Variants in ARSG observed in about 807,000 individuals in gnomAD.
ARSG encodes arylsulfatase G.
A neutral mutation model predicts 50.5 loss-of-function variants in ARSG; 37 were observed. The observed-to-expected ratio is 0.73, with a 90% confidence interval of 0.56 to 0.96. ARSG has a LOEUF of 0.96. ARSG is among the 50% of genes least tolerant of loss of function. The pLI is 0.00. For synonymous variants in ARSG, 225 were observed against 254.6 expected (o/e 0.88, Z 1.11); for missense variants, 629 against 675.3 (o/e 0.93, Z 0.76).
chr17:68,317,551 C>T (rs904036518), intron 2 of ARSG, among the ~76,000 whole-genome samples: 7 of 151,894 alleles, frequency 4.6e-5, no homozygotes, highest in Non-Finnish European at 1.0e-4. Context: ...GTTTAGGGCC[C>T]CCAGTGTTGA....
the ARSG span, among the ~76,000 whole-genome samples, chr17:68,435,950 G>A: frequency 6.6e-5 from 10 of 152,254 alleles, no homozygotes; most frequent in Non-Finnish European, 1.3e-4. Flanking sequence ...GGCCACGAAC[G>A]GAGCACCTGA....
At chr17:68,402,598 C>A (rs1245604520) in intron 11 of ARSG, among the ~76,000 whole-genome samples, 1 of 152,034 alleles carries the variant, frequency 6.6e-6, no homozygotes, top group Non-Finnish European at 1.5e-5. Context: ...GATCTTGGCT[C>A]ACTGCAAGCT....
chr17:68,347,236 C>T, intron 4 of ARSG, 64 bp downstream of exon 4: 1 of 1,544,698 alleles, frequency 6.5e-7, no homozygotes, highest in Non-Finnish European at 8.9e-7. Context: ...GTGTAAGACT[C>T]CATGAACAGC....
At chr17:68,265,366 C>T (rs1305909480) in intron 1 of ARSG, among the ~76,000 whole-genome samples, 6 of 149,122 alleles carry the variant, frequency 4.0e-5, no homozygotes, top group African/African-American at 7.4e-5. Flanking sequence ...TGGTGGTGCA[C>T]GCCTGTAATC....
At chr17:68,365,454 TG>T (rs1450473127) in intron 6 of ARSG, among the ~76,000 whole-genome samples, 1 of 152,212 alleles carries the variant, frequency 6.6e-6, no homozygotes, top group Non-Finnish European at 1.5e-5. Context: ...TACACAGTCA[TG>T]AAATAACAAA....
intron 2 of ARSG, among the ~76,000 whole-genome samples, chr17:68,324,883 C>A (rs1477349361): frequency 6.6e-6 from 1 of 152,202 alleles, no homozygotes; most frequent in Non-Finnish European, 1.5e-5. Context: ...GCTTTCCCAA[C>A]ACACAGGTAT....
chr17:68,422,155 C>T (rs534333228), downstream of ARSG: 46 of 232,406 alleles, frequency 2.0e-4, 1 homozygote, highest in African/African-American at 6.6e-4. Flanking sequence ...AGGCTGGGCG[C>T]GGTGGCTCAC....
the ARSG span, among the ~76,000 whole-genome samples, chr17:68,437,729 A>G: frequency 1.3e-5 from 2 of 152,146 alleles, no homozygotes; most frequent in Non-Finnish European, 2.9e-5. Context: ...AGATGCTTCA[A>G]TAATATTCCG....
intron 1 of ARSG, among the ~76,000 whole-genome samples, chr17:68,280,121 G>A (rs1599537731): frequency 6.8e-6 from 1 of 147,700 alleles, no homozygotes; most frequent in South Asian, 2.1e-4. Flanking sequence ...GGAGGAGGTT[G>A]CAGTGAGCTG....
intron 1 of ARSG, among the ~76,000 whole-genome samples, chr17:68,273,303 G>A (rs1220038918): frequency 6.6e-6 from 1 of 151,818 alleles, no homozygotes; most frequent in African/African-American, 2.4e-5. Flanking sequence ...TGACCTCCCA[G>A]GCTCAAGTGA....
intron 7 of ARSG, among the ~76,000 whole-genome samples, chr17:68,369,378 A>G (rs2079709997): frequency 6.6e-6 from 1 of 152,160 alleles, no homozygotes; most frequent in African/African-American, 2.4e-5. Context: ...TGTCTCCACT[A>G]AAAGTACAAA....
At chr17:68,434,633 A>G in the ARSG span, 3 of 1,613,946 alleles carry the variant, frequency 1.9e-6, no homozygotes, top group Non-Finnish European at 1.7e-6. Flanking sequence ...TGCCCTGGAA[A>G]AGAAAGCAGG....
intron 1 of ARSG, among the ~76,000 whole-genome samples, chr17:68,298,594 C>CAAAAAA (rs562725952): frequency 4.6e-5 from 3 of 64,816 alleles, no homozygotes; most frequent in African/African-American, 6.2e-5. Flanking sequence ...GATCCTGTCT[C>CAAAAAA]AAAAAAAAAA....
chr17:68,428,462 G>A, the ARSG span: 1 of 204,398 alleles, frequency 4.9e-6, no homozygotes, highest in South Asian at 7.7e-5. Flanking sequence ...TGAACACCTG[G>A]ACTCAAGCCA....
At chr17:68,350,302 C>T (rs1317961179) in intron 4 of ARSG, among the ~76,000 whole-genome samples, 3 of 152,210 alleles carry the variant, frequency 2.0e-5, no homozygotes, top group Admixed American at 6.5e-5. Context: ...GCTGAAAACA[C>T]AGCTCTCCCT....
At chr17:68,290,183 C>A (rs1227243785), upstream of ARSG, among the ~76,000 whole-genome samples, 1 of 152,176 alleles carries the variant, frequency 6.6e-6, no homozygotes, top group African/African-American at 2.4e-5. Context: ...GCAAACAAAA[C>A]CGGCTTCCAG....
chr17:68,423,303 G>A (rs1173082870), downstream of ARSG, among the ~76,000 whole-genome samples: 4 of 152,190 alleles, frequency 2.6e-5, no homozygotes, highest in East Asian at 7.7e-4. This position sits in a 1 kb window ranked among gnomAD's most constrained non-coding sequence, Gnocchi z 4.4. Flanking sequence ...ACTGAGATGG[G>A]CCATATTGAT....
At chr17:68,323,018 ATAAAT>A (rs1173205557) in intron 2 of ARSG, among the ~76,000 whole-genome samples, 3 of 151,284 alleles carry the variant, frequency 2.0e-5, no homozygotes, top group African/African-American at 7.4e-5. Flanking sequence ...TACAATAATA[ATAAAT>A]TAATAAGAGA....
At chr17:68,339,736 A>G (rs2078185623) in intron 2 of ARSG, among the ~76,000 whole-genome samples, 1 of 152,236 alleles carries the variant, frequency 6.6e-6, no homozygotes, top group African/African-American at 2.4e-5. Flanking sequence ...GATTCAGGGT[A>G]AACGCTTTTG....
Sources: allele counts gnomAD v4.1 joint callset (sites outside exome capture counted in the v4.1 genomes callset), GRCh38; gene constraint gnomAD v4.1.1; non-coding constraint Gnocchi (gnomAD v3.1); transcripts MANE v1.5; gene names NCBI Gene and HGNC (gene_info 2026-07-23, HGNC 2026-07-21).